SHANK2: variants seen among roughly 807,000 people sequenced by gnomAD.
The protein encoded by SHANK2 is SH3 and multiple ankyrin repeat domains protein 2.
A neutral mutation model predicts 133.7 loss-of-function variants in SHANK2; 43 were observed. The observed-to-expected ratio is 0.32, with a 90% CI of 0.25 to 0.41. The LOEUF is 0.41. SHANK2 is among the 10% of genes least tolerant of loss of function. SHANK2 has a pLI of 1.00. For synonymous variants in SHANK2, 1,017 were observed against 952.8 expected (o/e 1.07, Z -1.24); for missense variants, 1,994 against 2,235.8 (o/e 0.89, Z 2.18).
chr11:70,874,674 TAAAAAAAAAAA>T (rs34587004), intron 11 of SHANK2, among the ~76,000 whole-genome samples: 2 of 114,178 alleles, frequency 1.8e-5, no homozygotes, highest in Admixed American at 9.4e-5. Context: ...CTGCATTTAC[TAAAAAAAAAAA>T]AAAAAAAAAA....
At chr11:71,200,697 C>T (rs1954001475) in intron 2 of SHANK2, among the ~76,000 whole-genome samples, 1 of 152,104 alleles carries the variant, frequency 6.6e-6, no homozygotes, top group South Asian at 2.1e-4. Flanking sequence ...ATGGCTCAGA[C>T]AGTAATTCTC....
chr11:71,163,089 A>T (rs1222353361), intron 2 of SHANK2, among the ~76,000 whole-genome samples: 3 of 79,148 alleles, frequency 3.8e-5, no homozygotes, highest in Non-Finnish European at 8.0e-5. Flanking sequence ...AAAAAAAAAA[A>T]AAAAATACAT....
chr11:71,077,446 G>C (rs1277131113), intron 8 of SHANK2, among the ~76,000 whole-genome samples: 1 of 152,306 alleles, frequency 6.6e-6, no homozygotes, highest in East Asian at 1.9e-4. Context: ...CTGACTCCGG[G>C]TGGATGTCTC....
At chr11:71,222,736 C>T (rs1194149232) in intron 2 of SHANK2, among the ~76,000 whole-genome samples, 1 of 152,266 alleles carries the variant, frequency 6.6e-6, no homozygotes, top group Non-Finnish European at 1.5e-5. Context: ...TGGACAGGGA[C>T]TAATGTCCTT....
intron 14 of SHANK2, among the ~76,000 whole-genome samples, chr11:70,725,023 G>A (rs1314783633): frequency 6.6e-6 from 1 of 152,156 alleles, no homozygotes; most frequent in East Asian, 1.9e-4. Context: ...CCTACTATGT[G>A]CCATAAGCTT....
chr11:70,876,558 CAAAAAAAAGA>C (rs1395268789), intron 11 of SHANK2, among the ~76,000 whole-genome samples: 38 of 139,868 alleles, frequency 2.7e-4, no homozygotes, highest in Non-Finnish European at 4.6e-4. Flanking sequence ...GACTCCGCCT[CAAAAAAAAGA>C]AAAAAAAAGA....
At chr11:70,839,717 G>A (rs558418764) in intron 11 of SHANK2, among the ~76,000 whole-genome samples, 7 of 152,244 alleles carry the variant, frequency 4.6e-5, no homozygotes, top group Admixed American at 2.0e-4. Context: ...AGGTGTCCCC[G>A]GTAAAGCTGC....
chr11:70,599,949 A>C (rs565053549), intron 17 of SHANK2, among the ~76,000 whole-genome samples: 1 of 131,982 alleles, frequency 7.6e-6, no homozygotes, highest in South Asian at 2.4e-4. Flanking sequence ...GAAAGAAAGA[A>C]AGAAAGAAAG....
chr11:70,714,058 G>T (rs988158590), intron 14 of SHANK2, among the ~76,000 whole-genome samples: 1 of 152,164 alleles, frequency 6.6e-6, no homozygotes, highest in Non-Finnish European at 1.5e-5. Flanking sequence ...GCTTCTCCCA[G>T]CCTCCCTCCA....
chr11:70,515,420 C>T (rs1310400178), intron 17 of SHANK2, among the ~76,000 whole-genome samples: 1 of 151,996 alleles, frequency 6.6e-6, no homozygotes, highest in African/African-American at 2.4e-5. Flanking sequence ...CTGGACTGAC[C>T]TTCTAATTTT....
chr11:71,105,590 T>TAAAAAA (rs60654256), intron 6 of SHANK2, among the ~76,000 whole-genome samples: 31 of 77,898 alleles, frequency 4.0e-4, no homozygotes, highest in African/African-American at 6.7e-4. Context: ...AGACTCAGTC[T>TAAAAAA]AAAAAAAAAA....
At chr11:70,845,067 C>T (rs552253574) in intron 11 of SHANK2, among the ~76,000 whole-genome samples, 1 of 151,734 alleles carries the variant, frequency 6.6e-6, no homozygotes, top group Non-Finnish European at 1.5e-5. Flanking sequence ...GGTGTGGTGG[C>T]ACACACCTGT....
At chr11:70,929,870 G>A (rs932093836) in intron 10 of SHANK2, among the ~76,000 whole-genome samples, 11 of 152,248 alleles carry the variant, frequency 7.2e-5, no homozygotes, top group Middle Eastern at 3.4e-3. Flanking sequence ...CTACAGAAAC[G>A]TGAGCTTTAA....
At position 70,830,862 on chromosome 11, in the gene SHANK2, G is replaced by A. The variant is rs1235702249; in HGVS notation, c.1175-10180C>T. Among the ~76,000 whole-genome samples, 1 of 152,190 alleles carries A rather than the reference G, an allele frequency of 6.6e-6. No homozygotes were observed. Among genetic ancestry groups the A allele is most frequent in the African/African-American group, 2.4e-5 (1 of 41,456 alleles). On this transcript the variant is annotated intron_variant, in intron 11 of 25. Coordinates refer to ENST00000601538, the MANE Select transcript of SHANK2 (RefSeq NM_012309.5). The surrounding 1 kb of genome is among the most constrained non-coding windows in gnomAD (Gnocchi z 4.4). Reference sequence around the variant, plus strand: ...CTGGGAAGGGTCAGACATCCCTGCTGCACCCACATAGGTTTCCACGCATTG... The same window carrying A: ...CTGGGAAGGGTCAGACATCCCTGCTACACCCACATAGGTTTCCACGCATTG...
intron 12 of SHANK2, among the ~76,000 whole-genome samples, chr11:70,817,589 G>T (rs1948425345): frequency 1.3e-5 from 2 of 152,230 alleles, no homozygotes. Flanking sequence ...AAAGGGGACA[G>T]TCTTGGCCGA....
intron 14 of SHANK2, among the ~76,000 whole-genome samples, chr11:70,712,688 C>T (rs369781572): frequency 2.6e-5 from 4 of 152,350 alleles, no homozygotes; most frequent in East Asian, 1.9e-4. Context: ...GTGGGCGTGG[C>T]CCTCACTCAG....
intron 9 of SHANK2, among the ~76,000 whole-genome samples, chr11:71,063,864 C>T (rs1302239321): frequency 1.3e-5 from 2 of 152,214 alleles, no homozygotes; most frequent in African/African-American, 4.8e-5. Flanking sequence ...TACCTCCCCA[C>T]GAAGGAGCGT....
At chr11:70,837,683 T>C (rs529732229) in intron 11 of SHANK2, among the ~76,000 whole-genome samples, 2 of 152,258 alleles carry the variant, frequency 1.3e-5, no homozygotes, top group East Asian at 3.9e-4. Context: ...CTCTCAAAGA[T>C]GTGCGTTGAG....
intron 17 of SHANK2, among the ~76,000 whole-genome samples, chr11:70,584,055 C>T (rs930206927): frequency 1.3e-5 from 2 of 152,166 alleles, no homozygotes; most frequent in Admixed American, 1.3e-4. Context: ...CATCCCCGGC[C>T]GACCCCCAGA....
Sources: allele counts gnomAD v4.1 joint callset (sites outside exome capture counted in the v4.1 genomes callset), GRCh38; gene constraint gnomAD v4.1.1; non-coding constraint Gnocchi (gnomAD v3.1); transcripts MANE v1.5; gene names NCBI Gene and HGNC (gene_info 2026-07-23, HGNC 2026-07-21).